The following PIK3R3 variants were observed in gnomAD, a reference collection of about 807,000 sequenced individuals.
PIK3R3 encodes the protein phosphoinositide-3-kinase regulatory subunit 3, also known as phosphatidylinositol 3-kinase regulatory subunit gamma.
Under a neutral mutation model 62.9 loss-of-function variants are expected in PIK3R3, and 64 were observed. That is an observed-to-expected ratio of 1.02 (90% CI 0.83 to 1.25). The LOEUF (loss-of-function observed/expected upper bound fraction) is 1.25. Ranked by LOEUF, PIK3R3 falls within the 50% of genes most tolerant of loss-of-function variation. The pLI is 0.00. For synonymous variants in PIK3R3, 165 were observed against 189.0 expected, an observed-to-expected ratio of 0.87 and a Z score of 1.04; for missense variants, 614 against 561.6, an observed-to-expected ratio of 1.09 and a Z score of -0.94.
intron 1 of PIK3R3, among the ~76,000 whole-genome samples, chr1:46,090,092 C>G (rs1455887121): frequency 6.6e-6 from 1 of 152,092 alleles, no homozygotes; most frequent in Non-Finnish European, 1.5e-5. Context: ...CCTTGTAGTA[C>G]TTTTTGACTT....
intron 1 of PIK3R3, among the ~76,000 whole-genome samples, chr1:46,098,866 A>AT (rs1652390628): frequency 1.2e-5 from 1 of 81,554 alleles, no homozygotes; most frequent in Non-Finnish European, 3.0e-5. Context: ...ATGCTTAGCT[A>AT]ATTTTTTTTT....
At chr1:46,063,909 G>C (rs752146075) in intron 5 of PIK3R3, among the ~76,000 whole-genome samples, 1 of 152,206 alleles carries the variant, frequency 6.6e-6, no homozygotes, top group Non-Finnish European at 1.5e-5. Context: ...TCACAGATAA[G>C]CTTCTTAAAG....
At chr1:46,089,997 C>T (rs1232745278) in intron 1 of PIK3R3, among the ~76,000 whole-genome samples, 2 of 152,026 alleles carry the variant, frequency 1.3e-5, no homozygotes, top group Non-Finnish European at 2.9e-5. Flanking sequence ...GAAGAAAAGG[C>T]CGGAAGAGTT....
intron 1 of PIK3R3, among the ~76,000 whole-genome samples, chr1:46,096,828 G>A (rs1452562742): frequency 6.8e-5 from 10 of 148,122 alleles, no homozygotes; most frequent in Admixed American, 1.4e-4. Context: ...GCAACAGAGC[G>A]AGACTCTGTC....
At chr1:46,102,901 G>C (rs189282288) in intron 1 of PIK3R3, among the ~76,000 whole-genome samples, 1 of 147,992 alleles carries the variant, frequency 6.8e-6, no homozygotes, top group Non-Finnish European at 1.5e-5. Flanking sequence ...ATTCACAATA[G>C]CTAAGAGGTG....
intron 1 of PIK3R3, chr1:46,131,626 C>CA: frequency 4.3e-6 from 1 of 233,608 alleles, no homozygotes; most frequent in South Asian, 3.3e-5. Flanking sequence ...ACCCCCACTT[C>CA]CAGCCCCCAC....
At chr1:46,104,925 CA>C (rs757829828) in intron 1 of PIK3R3, 20,710 of 194,276 alleles carry the variant, frequency 0.11, 34 homozygotes, top group African/African-American at 0.13. Flanking sequence ...AAGACTCCAT[CA>C]AAAAAAAAAA....
chr1:46,120,550 C>T (rs1017086172), intron 1 of PIK3R3, among the ~76,000 whole-genome samples: 11 of 151,970 alleles, frequency 7.2e-5, no homozygotes, highest in South Asian at 2.1e-4. Flanking sequence ...TCCAGCCTGG[C>T]GACAGAGGGA....
chr1:46,064,162 G>A (rs1475677659), intron 5 of PIK3R3, among the ~76,000 whole-genome samples: 2 of 152,004 alleles, frequency 1.3e-5, no homozygotes, highest in South Asian at 2.1e-4. Flanking sequence ...ACAGTGAGCC[G>A]AGATCGTGCC....
chr1:46,066,453 A>G (rs1339680107), intron 4 of PIK3R3, among the ~76,000 whole-genome samples: 1 of 152,260 alleles, frequency 6.6e-6, no homozygotes. Flanking sequence ...GTATTTTTAT[A>G]TAAAGGTAAC....
At chr1:46,068,560 G>A (rs890338252) in intron 3 of PIK3R3, among the ~76,000 whole-genome samples, 6 of 152,222 alleles carry the variant, frequency 3.9e-5, no homozygotes, top group African/African-American at 1.4e-4. Context: ...TTCTTGTGAT[G>A]GAGGAATTGT....
the PIK3R3 span, among the ~76,000 whole-genome samples, chr1:46,162,591 T>C: frequency 6.6e-6 from 1 of 152,272 alleles, no homozygotes; most frequent in East Asian, 1.9e-4. Flanking sequence ...GATACTCTGA[T>C]TTCCATATAT....
At chr1:46,135,112 G>T (rs992030165), upstream of PIK3R3, among the ~76,000 whole-genome samples, 1 of 152,166 alleles carries the variant, frequency 6.6e-6, no homozygotes. Context: ...GATGATTCTG[G>T]TCTTTCTTTC....
chr1:46,112,638 T>C (rs1653837562), intron 1 of PIK3R3, among the ~76,000 whole-genome samples: 1 of 152,196 alleles, frequency 6.6e-6, no homozygotes, highest in African/African-American at 2.4e-5. Flanking sequence ...AAAATTACTT[T>C]AGCAACTAAA....
intron 7 of PIK3R3, chr1:46,048,468 AC>A (rs1647175554): frequency 6.6e-6 from 1 of 152,160 alleles, no homozygotes; most frequent in African/African-American, 2.4e-5. Flanking sequence ...CCTCCCCCAC[AC>A]CATCGCGTCT....
intron 1 of PIK3R3, among the ~76,000 whole-genome samples, chr1:46,106,594 G>A (rs1216739293): frequency 6.6e-6 from 1 of 152,098 alleles, no homozygotes; most frequent in African/African-American, 2.4e-5. Flanking sequence ...TGGATGGATA[G>A]ATACATTATA....
At chr1:46,059,117 C>A (rs1424154788) in intron 6 of PIK3R3, among the ~76,000 whole-genome samples, 1 of 152,222 alleles carries the variant, frequency 6.6e-6, no homozygotes, top group African/African-American at 2.4e-5. Flanking sequence ...GCTTTTGCAT[C>A]TTCCTCATTC....
chr1:46,147,667 C>T, the PIK3R3 span, among the ~76,000 whole-genome samples: 7 of 152,138 alleles, frequency 4.6e-5, no homozygotes, highest in South Asian at 2.1e-4. Flanking sequence ...CCTCGTGATC[C>T]GCCCACCTTG....
chr1:46,142,499 C>T, the PIK3R3 span, among the ~76,000 whole-genome samples: 1 of 152,136 alleles, frequency 6.6e-6, no homozygotes, highest in African/African-American at 2.4e-5. Flanking sequence ...GAGATCGAGA[C>T]CATCCTGGCT....
Sources: gnomAD v4.1 joint callset for allele counts (sites outside exome capture counted in the v4.1 genomes callset) on GRCh38, gnomAD v4.1.1 for gene constraint, MANE v1.5 for transcripts, NCBI Gene and HGNC (gene_info 2026-07-23, HGNC 2026-07-21) for gene names.